The following GPN3 variants were observed in gnomAD, a reference collection of about 807,000 sequenced individuals.
GPN3 encodes ATP-binding domain 1 family member C.
GPN3 carries 31 observed loss-of-function variants against 38.7 expected under a neutral mutation model. The observed-to-expected ratio is 0.80, with a 90% CI of 0.60 to 1.08. The LOEUF (loss-of-function observed/expected upper bound fraction) is 1.08, where lower values mean the gene tolerates loss of function less well. GPN3 is among the 50% of genes least tolerant of loss of function. GPN3 has a pLI of 0.00. For synonymous variants in GPN3, 116 were observed against 120.2 expected, an observed-to-expected ratio of 0.96 and a Z score of 0.23; for missense variants, 301 against 354.4, an observed-to-expected ratio of 0.85 and a Z score of 1.21.
chr12:110,459,791 A>G lies in GPN3; in HGVS notation c.229T>C (p.Leu77=), dbSNP rs369431229. The change falls in exon 3 of 8, where the codon TTG becomes CTG. Residue 77 remains leucine (L), a synonymous_variant. Transcript: ENST00000228827. ...GCAAAGTACTCCATGCAAAATACCA[A>G]TCCTCCGTTGGGACCGAATCGCAGA... ...DSLRFGPNGG[L]VFCMEYFANN... is the part of the protein sequence containing the mutation. 57 of 1,613,156 alleles carry G rather than the reference A, an allele frequency of 3.5e-5. 1 individual carries two copies. The highest frequency in any genetic ancestry group is 1.8e-4 in the East Asian group (8 of 44,890).
chr12:110,461,262 G>C, intron 2 of GPN3: 1 of 1,326,290 alleles, frequency 7.5e-7, no homozygotes, highest in Admixed American at 1.7e-5. Flanking sequence ...TCCAGAAAAC[G>C]TAATGAGGAT....
intron 1 of GPN3, among the ~76,000 whole-genome samples, chr12:110,466,749 G>A (rs2062631169): frequency 6.6e-6 from 1 of 151,982 alleles, no homozygotes; most frequent in Non-Finnish European, 1.5e-5. Context: ...GCTGGCCTCA[G>A]CCTCCCAAAG....
chr12:110,468,084 A>C, intron 1 of GPN3, 72 bp downstream of exon 1: 1 of 1,611,632 alleles, frequency 6.2e-7, no homozygotes, highest in Non-Finnish European at 8.5e-7. Context: ...CCGCCGGCTC[A>C]CTCCCTCAGG....
At chr12:110,453,935 T>TTAAA in intron 6 of GPN3, 64 bp from the exon 7 acceptor site, 2 of 1,322,470 alleles carry the variant, frequency 1.5e-6, no homozygotes, top group Middle Eastern at 3.7e-4. Flanking sequence ...AATTTTCAAC[T>TTAAA]TATATTTGAG....
chr12:110,454,401 T>A (rs2062535464), intron 6 of GPN3, among the ~76,000 whole-genome samples: 1 of 151,756 alleles, frequency 6.6e-6, no homozygotes, highest in African/African-American at 2.4e-5. Flanking sequence ...TTTTTTTTTT[T>A]TTGGGGAGAC....
At chr12:110,457,330 G>C (rs189872490) in intron 4 of GPN3, among the ~76,000 whole-genome samples, 180 bp downstream of exon 4, 2 of 151,576 alleles carry the variant, frequency 1.3e-5, no homozygotes, top group Non-Finnish European at 2.9e-5. Flanking sequence ...GCACACACCT[G>C]TAATTCCAGC....
Position 110,457,595 on chromosome 12 carries a change from T to C in GPN3, c.365A>G (p.Gln122Arg), listed in dbSNP as rs1313516117. The C allele has an allele frequency of 6.2e-6, 10 of 1,608,148 alleles. No individual in the cohort carries two copies. The Middle Eastern group carries it at 6.6e-4, about 106-fold the overall frequency. Residue 122 changes from glutamine (Q) to arginine (R), a missense_variant, in exon 4 of 8, where the codon CAG (glutamine) becomes CGG (arginine). Gln to Arg is a conservative substitution (Grantham distance 43). Coordinates refer to ENST00000228827, the MANE Select transcript of GPN3 (RefSeq NM_016301.4). ...ELYTHLPVMK[Q>R]LVQQLEQWEF... ...CCACTGCTCGAGCTGCTGGACCAGC[T>C]GTTTCATCACAGGCAGGTGAGTGTA...
At chr12:110,467,506 GCT>G (rs2062641405) in intron 1 of GPN3, among the ~76,000 whole-genome samples, 1 of 152,128 alleles carries the variant, frequency 6.6e-6, no homozygotes. Flanking sequence ...CCTATTAAAA[GCT>G]CTGAGACTAA....
intron 2 of GPN3, among the ~76,000 whole-genome samples, chr12:110,460,719 C>G (rs756200483): frequency 6.6e-6 from 1 of 152,166 alleles, no homozygotes; most frequent in Admixed American, 6.5e-5. Flanking sequence ...GTAATCCCAG[C>G]ACTTTGGGAG....
intron 2 of GPN3, among the ~76,000 whole-genome samples, chr12:110,464,267 G>C (rs1326483101): frequency 2.0e-5 from 3 of 152,042 alleles, no homozygotes; most frequent in African/African-American, 7.2e-5. Context: ...GACAATTCTA[G>C]CTAAAGCAAC....
intron 2 of GPN3, chr12:110,464,841 C>A (rs920432831): frequency 5.1e-6 from 2 of 394,618 alleles, no homozygotes; most frequent in East Asian, 9.9e-5. Context: ...GATCCACCCG[C>A]CTCGGCCTCC....
chr12:110,459,887 AAT>A, intron 2 of GPN3, 25 bp from the exon 3 acceptor site: 1 of 1,587,304 alleles, frequency 6.3e-7, no homozygotes, highest in Non-Finnish European at 8.6e-7. Context: ...TAGGGCCCAG[AAT>A]ATATGTGTCC....
In GPN3 at chr12:110,459,689, A is replaced by C. The variant is rs1220068586; in HGVS notation, c.325+6T>G. On this transcript the variant is annotated splice_donor_region_variant and intron_variant, in intron 3 of 7. Coordinates refer to ENST00000228827, the MANE Select transcript of GPN3 (RefSeq NM_016301.4). ...GGAAGACAATGCATTCAAATTGTTG[A>C]TTCACCTGGACAATCAAAAAGGATA... 6.3e-7 allele frequency: 1 copy of C among 1,594,700 alleles called. No individual in the cohort carries two copies. The highest frequency in any genetic ancestry group is 8.6e-7 in the Non-Finnish European group (1 of 1,162,884).
In GPN3 at chr12:110,468,212, C is replaced by G. The variant is rs2135534046; in HGVS notation, c.-9G>C. 1 of 1,587,274 alleles carries G rather than the reference C, an allele frequency of 6.3e-7. No individual in the cohort carries two copies. Among genetic ancestry groups the G allele is most frequent in the East Asian group, 2.2e-5 (1 of 44,718 alleles). On this transcript the variant is annotated 5_prime_UTR_variant, in exon 1 of 8. Coordinates refer to ENST00000228827, the MANE Select transcript of GPN3 (RefSeq NM_016301.4). Reference sequence around the variant, plus strand: ...TGCGCATACCGAGGCATGTTGGCTCCCGGAGCCGCCCGCCACACTCCCTTA... The same window carrying G: ...TGCGCATACCGAGGCATGTTGGCTCGCGGAGCCGCCCGCCACACTCCCTTA...
At chr12:110,455,988 C>T (rs987726856) in intron 4 of GPN3, 58 bp from the exon 5 acceptor site, 10 of 897,360 alleles carry the variant, frequency 1.1e-5, no homozygotes, top group South Asian at 1.3e-5. Flanking sequence ...GTTACCTGGT[C>T]TGCATAAAGA....
Position 110,455,618 on chromosome 12 carries a change from A to AT in GPN3, c.630dup (p.Phe211IlefsTer6), listed in dbSNP as rs766995173. ...CATATAGCTTTAGTCAGTTTCTTGA[A>AT]TTTTTTGCTTCTTAAGTCACTTGTA... On this transcript the variant is annotated frameshift_variant, in exon 6 of 8. Coordinates refer to ENST00000228827, the MANE Select transcript of GPN3 (RefSeq NM_016301.4). LOFTEE classifies it high-confidence loss of function. The AT allele has an allele frequency of 2.0e-6, 3 of 1,475,592 alleles. No homozygotes were observed. The highest frequency in any genetic ancestry group is 2.8e-6 in the Non-Finnish European group (3 of 1,056,640). 91.4% of individuals were successfully genotyped at this position (1,475,592 alleles called of 1,614,324 possible).
At position 110,464,992 on chromosome 12, in the gene GPN3, C is replaced by T. The variant is rs886998427; in HGVS notation, c.157+114G>A. Reference sequence around the variant, plus strand: ...CAAATGACAAGCTCATGCTATTTACCATAACACCAGGGATCCAGACTATAA... The same window carrying T: ...CAAATGACAAGCTCATGCTATTTACTATAACACCAGGGATCCAGACTATAA... On this transcript the variant is annotated intron_variant, in intron 2 of 7. Transcript: ENST00000228827. The T allele has an allele frequency of 8.8e-5, 62 of 705,148 alleles. 1 individual carries two copies. Among genetic ancestry groups the T allele is most frequent in the South Asian group, 7.1e-4 (46 of 64,482 alleles). 43.7% of individuals were successfully genotyped at this position (705,148 alleles called of 1,614,324 possible).
chr12:110,468,399 G>C, upstream of GPN3: 1 of 1,529,100 alleles, frequency 6.5e-7, no homozygotes, highest in Non-Finnish European at 8.8e-7. Flanking sequence ...GGAGGGGCGA[G>C]GGAGAGGATT....
intron 6 of GPN3, among the ~76,000 whole-genome samples, chr12:110,455,059 G>C (rs2062540081): frequency 6.7e-6 from 1 of 148,300 alleles, no homozygotes; most frequent in Non-Finnish European, 1.5e-5. Flanking sequence ...CCTGACCTCA[G>C]GTGATCCACC....
Sources: gnomAD v4.1 joint callset for allele counts (sites outside exome capture counted in the v4.1 genomes callset) on GRCh38, gnomAD v4.1.1 for gene constraint, MANE v1.5 for transcripts, NCBI Gene and HGNC (gene_info 2026-07-23, HGNC 2026-07-21) for gene names.